The following SLC24A3 variants were observed in gnomAD, a reference collection of about 807,000 sequenced individuals.
The protein encoded by SLC24A3 is sodium/potassium/calcium exchanger 3.
A neutral mutation model predicts 75.8 loss-of-function variants in SLC24A3; 28 were observed. That is an observed-to-expected ratio of 0.37 (90% confidence interval 0.27 to 0.51). The LOEUF (loss-of-function observed/expected upper bound fraction) is 0.51. SLC24A3 is among the 20% of genes least tolerant of loss of function. SLC24A3 has a pLI of 0.94. For missense variants in SLC24A3, 663 were observed against 847.8 expected, an observed-to-expected ratio of 0.78 and a Z score of 2.71; for synonymous variants, 372 against 334.1, an observed-to-expected ratio of 1.11 and a Z score of -1.24.
intron 15 of SLC24A3, among the ~76,000 whole-genome samples, chr20:19,709,138 G>A (rs906700561): frequency 5.3e-5 from 8 of 152,188 alleles, no homozygotes; most frequent in African/African-American, 1.9e-4. Flanking sequence ...ACAGAGGACA[G>A]CCTCTGTCTC....
chr20:19,633,757 T>G (rs2031966760), intron 6 of SLC24A3, among the ~76,000 whole-genome samples: 1 of 151,660 alleles, frequency 6.6e-6, no homozygotes, highest in Non-Finnish European at 1.5e-5. Flanking sequence ...CCAAATACAG[T>G]CACATTCTGA....
At chr20:19,536,148 A>G (rs577399946) in intron 3 of SLC24A3, among the ~76,000 whole-genome samples, 1 of 152,216 alleles carries the variant, frequency 6.6e-6, no homozygotes, top group East Asian at 1.9e-4. Context: ...TGGGGCTAAA[A>G]CCACCCCTCA....
At chr20:19,335,968 G>T (rs1231639548) in intron 2 of SLC24A3, among the ~76,000 whole-genome samples, 2 of 152,166 alleles carry the variant, frequency 1.3e-5, no homozygotes, top group Non-Finnish European at 2.9e-5. Context: ...TAGCCCCTGG[G>T]TCTTTCTTAA....
chr20:19,280,822 G>A, intron 1 of SLC24A3, 137 bp from the exon 2 acceptor site: 1 of 1,229,642 alleles, frequency 8.1e-7, no homozygotes, highest in Non-Finnish European at 1.1e-6. Flanking sequence ...AAGCCTTCAG[G>A]CAGCTAGAGG....
At chr20:19,242,959 T>C (rs1380930562) in intron 1 of SLC24A3, among the ~76,000 whole-genome samples, 1 of 152,218 alleles carries the variant, frequency 6.6e-6, no homozygotes, top group African/African-American at 2.4e-5. Context: ...TGAACCACAT[T>C]TTTTTTCCTT....
At chr20:19,449,299 A>G (rs748361288) in intron 2 of SLC24A3, among the ~76,000 whole-genome samples, 1 of 152,236 alleles carries the variant, frequency 6.6e-6, no homozygotes, top group Non-Finnish European at 1.5e-5. Flanking sequence ...CCGAGGCAGG[A>G]AAGCTGAGAG....
chr20:19,515,208 T>C (rs971182664), intron 2 of SLC24A3, among the ~76,000 whole-genome samples: 2 of 152,164 alleles, frequency 1.3e-5, no homozygotes, highest in African/African-American at 4.8e-5. Context: ...CACCATAAGA[T>C]TGAAGCAGTG....
At chr20:19,457,228 A>AG (rs1987593100) in intron 2 of SLC24A3, among the ~76,000 whole-genome samples, 1 of 152,112 alleles carries the variant, frequency 6.6e-6, no homozygotes, top group African/African-American at 2.4e-5. Context: ...AGTTGTGGTG[A>AG]GGGGGGAAAT....
At chr20:19,649,196 G>A (rs1391438402) in intron 6 of SLC24A3, among the ~76,000 whole-genome samples, 2 of 152,150 alleles carry the variant, frequency 1.3e-5, no homozygotes, top group African/African-American at 2.4e-5. Flanking sequence ...ATGCTAACAC[G>A]CCCCCTCTGC....
intron 2 of SLC24A3, among the ~76,000 whole-genome samples, chr20:19,441,459 G>C (rs1433804773): frequency 6.6e-6 from 1 of 152,116 alleles, no homozygotes; most frequent in East Asian, 1.9e-4. Flanking sequence ...TCACTTCTTA[G>C]ACCTCCAGGG....
At chr20:19,698,811 T>C (rs2032840891) in intron 15 of SLC24A3, 131 bp downstream of exon 15, 1 of 713,472 alleles carries the variant, frequency 1.4e-6, no homozygotes, top group African/African-American at 1.8e-5. Context: ...GGGAAACAAA[T>C]TCTCCTTGTC....
chr20:19,710,524 T>C (rs1333085766), intron 15 of SLC24A3, among the ~76,000 whole-genome samples: 4 of 152,234 alleles, frequency 2.6e-5, no homozygotes, highest in Non-Finnish European at 5.9e-5. Context: ...CAGCATTAAA[T>C]GTCAGGACTG....
At chr20:19,641,412 A>G (rs898040782) in intron 6 of SLC24A3, among the ~76,000 whole-genome samples, 4 of 152,362 alleles carry the variant, frequency 2.6e-5, no homozygotes, top group East Asian at 3.9e-4. Flanking sequence ...AATTTTTATT[A>G]TAAATATAAA....
chr20:19,626,997 T>C (rs2031874543), intron 6 of SLC24A3, among the ~76,000 whole-genome samples: 1 of 152,220 alleles, frequency 6.6e-6, no homozygotes. Context: ...TACAAGGTTA[T>C]ACAAACTGGT....
At chr20:19,330,396 G>T (rs1000614599) in intron 2 of SLC24A3, among the ~76,000 whole-genome samples, 16 of 152,170 alleles carry the variant, frequency 1.1e-4, no homozygotes, top group African/African-American at 3.6e-4. Context: ...AGGGGAAAAA[G>T]GGCATCTTTG....
At chr20:19,521,872 C>T (rs1490751434) in intron 3 of SLC24A3, among the ~76,000 whole-genome samples, 2 of 152,162 alleles carry the variant, frequency 1.3e-5, no homozygotes, top group African/African-American at 2.4e-5. Flanking sequence ...GCCCCCATCT[C>T]CTCCAGTATT....
At chr20:19,333,300 C>A (rs558963277) in intron 2 of SLC24A3, among the ~76,000 whole-genome samples, 1 of 152,002 alleles carries the variant, frequency 6.6e-6, no homozygotes, top group Non-Finnish European at 1.5e-5. Context: ...CTTTTATCTT[C>A]CCCCCTGGAC....
chr20:19,611,486 A>T (rs2031671022), intron 6 of SLC24A3, among the ~76,000 whole-genome samples: 1 of 152,190 alleles, frequency 6.6e-6, no homozygotes, highest in East Asian at 1.9e-4. Context: ...TCATCCATAA[A>T]GCCACTGGAC....
chr20:19,351,984 G>A (rs560249914), intron 2 of SLC24A3, among the ~76,000 whole-genome samples: 14 of 152,126 alleles, frequency 9.2e-5, no homozygotes, highest in African/African-American at 3.1e-4. Context: ...TGAGGACTCC[G>A]GAGCCTGTGT....
Sources: gnomAD v4.1 joint callset for allele counts (sites outside exome capture counted in the v4.1 genomes callset) on GRCh38, gnomAD v4.1.1 for gene constraint, MANE v1.5 for transcripts, NCBI Gene and HGNC (gene_info 2026-07-23, HGNC 2026-07-21) for gene names.